Variants in ADGRD1 observed in about 807,000 individuals in gnomAD.
ADGRD1 encodes the protein G-protein coupled receptor 133.
Under a neutral mutation model 113.4 loss-of-function variants are expected in ADGRD1, and 77 were observed. That is an observed-to-expected ratio of 0.68 (90% CI 0.57 to 0.82). The LOEUF is 0.82. Ranked by LOEUF, ADGRD1 falls within the 40% of genes least tolerant of loss-of-function variation. The pLI is 0.00. For missense variants in ADGRD1, 1,036 were observed against 1,139.1 expected, an observed-to-expected ratio of 0.91 and a Z score of 1.30; for synonymous variants, 474 against 475.0, an observed-to-expected ratio of 1.00 and a Z score of 0.03.
In ADGRD1 at chr12:131,076,823, C is replaced by A; in HGVS notation, c.1496C>A (p.Ala499Asp). 6.2e-7 allele frequency: 1 copy of A among 1,614,114 alleles called. No individual in the cohort carries two copies. Among genetic ancestry groups the A allele is most frequent in the Non-Finnish European group, 8.5e-7 (1 of 1,179,966 alleles). ...CAGACACGTAAGCAGCACAGTGAGGCCACCAACAGCAGCAACCGAGTCTTC... is the reference window on the plus strand; with the variant it reads ...CAGACACGTAAGCAGCACAGTGAGGACACCAACAGCAGCAACCGAGTCTTC... ...HRLTRKQHSE[A>D]TNSSNRVFVY... is the part of the protein sequence containing the mutation. Residue 499 changes from alanine to aspartate, a missense_variant, in exon 14 of 25, where the codon GCC (alanine) becomes GAC (aspartate). Physicochemically the swap from Ala to Asp is moderately radical, Grantham distance 126. Transcript: ENST00000261654.
chr12:131,053,440 G>A (rs1248798144), intron 13 of ADGRD1, among the ~76,000 whole-genome samples: 2 of 152,244 alleles, frequency 1.3e-5, no homozygotes, highest in Non-Finnish European at 2.9e-5. Flanking sequence ...TTTAAGTAAA[G>A]GGTTTTCTGT....
chr12:130,959,653 G>A (rs994298034), intron 2 of ADGRD1, among the ~76,000 whole-genome samples: 2 of 152,178 alleles, frequency 1.3e-5, no homozygotes, highest in Admixed American at 6.5e-5. Context: ...CGTCAATAAA[G>A]CTAGCCAACC....
intron 13 of ADGRD1, among the ~76,000 whole-genome samples, chr12:131,021,359 G>A (rs1057123050): frequency 2.0e-5 from 3 of 152,068 alleles, no homozygotes; most frequent in African/African-American, 2.4e-5. Flanking sequence ...TTAGCTTCCC[G>A]TTGTCTCCCA....
At chr12:130,994,166 C>T (rs1002789751) in intron 8 of ADGRD1, 4 of 382,738 alleles carry the variant, frequency 1.0e-5, no homozygotes, top group Admixed American at 7.9e-5. Flanking sequence ...GAAGGACCCG[C>T]GGGGTGTTGG....
At chr12:131,078,165 C>T (rs1286376283) in intron 14 of ADGRD1, among the ~76,000 whole-genome samples, 1 of 152,240 alleles carries the variant, frequency 6.6e-6, no homozygotes, top group Non-Finnish European at 1.5e-5. Context: ...CGTCTCTGCT[C>T]CCTGCACCCA....
intron 24 of ADGRD1, 105 bp downstream of exon 24, chr12:131,138,334 C>T: frequency 2.2e-6 from 2 of 896,030 alleles, no homozygotes; most frequent in Middle Eastern, 2.4e-4. Context: ...CTTCGGGTGC[C>T]CAGCAGTCTT....
intron 4 of ADGRD1, chr12:130,973,474 C>T (rs1339135975): frequency 6.6e-6 from 1 of 152,212 alleles, no homozygotes; most frequent in African/African-American, 2.4e-5. Flanking sequence ...TTCCAAACTT[C>T]CCCTTCATCA....
intron 4 of ADGRD1, among the ~76,000 whole-genome samples, chr12:130,974,019 G>A (rs1381662416): frequency 1.3e-5 from 2 of 152,328 alleles, no homozygotes; most frequent in East Asian, 1.9e-4. Context: ...TGATGCAGAC[G>A]CAGAGGGTAG....
chr12:131,048,344 C>T (rs1883047889), intron 13 of ADGRD1, among the ~76,000 whole-genome samples: 1 of 152,242 alleles, frequency 6.6e-6, no homozygotes, highest in Non-Finnish European at 1.5e-5. Flanking sequence ...CATCCTGCAG[C>T]TGGCCAGGAG....
chr12:130,994,084 C>T (rs954443637), intron 8 of ADGRD1: 12 of 241,746 alleles, frequency 5.0e-5, no homozygotes, highest in Non-Finnish European at 8.9e-6. Context: ...GCAACCAGCT[C>T]AGCCAATCAT....
intron 8 of ADGRD1, among the ~76,000 whole-genome samples, chr12:130,997,524 T>TG (rs1026349627): frequency 8.5e-5 from 12 of 141,106 alleles, no homozygotes; most frequent in African/African-American, 3.2e-4. Context: ...ACCTCCCAGA[T>TG]GGGGTCACAG....
chr12:131,033,064 C>T (rs1001322469), intron 13 of ADGRD1, among the ~76,000 whole-genome samples: 19 of 152,344 alleles, frequency 1.2e-4, no homozygotes, highest in Admixed American at 2.6e-4. Flanking sequence ...AGCTAAATGG[C>T]GCGCGACGAG....
At position 131,050,807 on chromosome 12, in the gene ADGRD1, ACT is replaced by A. The variant is rs1048050882; in HGVS notation, c.1474-25990_1474-25989del. 1.3e-5 allele frequency among the ~76,000 whole-genome samples: 2 copies of A among 151,890 alleles called. No homozygotes were observed. The highest frequency in any genetic ancestry group is 4.8e-5 in the African/African-American group (2 of 41,320). ...TCCCCCTCAGATCATCAGGCACTAGACTCTCATGAGGAGCTTGAAACCTAGAT... is the reference window on the plus strand; with the variant it reads ...TCCCCCTCAGATCATCAGGCACTAGACTCATGAGGAGCTTGAAACCTAGAT... On this transcript the variant is annotated intron_variant, in intron 13 of 24. Transcript: ENST00000261654. This position sits in a 1 kb window ranked among gnomAD's most constrained non-coding sequence, Gnocchi z 4.8.
At chr12:131,054,666 C>T (rs191005017) in intron 13 of ADGRD1, among the ~76,000 whole-genome samples, 10 of 152,322 alleles carry the variant, frequency 6.6e-5, no homozygotes, top group South Asian at 4.1e-4. Context: ...GTCTCTGCTG[C>T]GCTGAGAACT....
chr12:130,979,830 C>CACAG (rs1217523186), intron 4 of ADGRD1, among the ~76,000 whole-genome samples: 1 of 146,876 alleles, frequency 6.8e-6, no homozygotes, highest in African/African-American at 2.7e-5. Flanking sequence ...CACACACACA[C>CACAG]ACACACACAC....
intron 2 of ADGRD1, among the ~76,000 whole-genome samples, chr12:130,964,300 G>A (rs1360669361): frequency 6.6e-6 from 1 of 151,766 alleles, no homozygotes; most frequent in Non-Finnish European, 1.5e-5. Flanking sequence ...AATTGTTCTG[G>A]TATAAAGAGT....
Position 131,067,805 on chromosome 12 carries a change from C to T in ADGRD1, c.1474-8996C>T, listed in dbSNP as rs533369720. 3.0e-4 allele frequency among the ~76,000 whole-genome samples: 8 copies of T among 26,360 alleles called. 2 individuals carry two copies. The highest frequency in any genetic ancestry group is 1.1e-3 in the Admixed American group (4 of 3,562). The allele number at this position is 26,360 out of a possible 152,430, so 17.3% of individuals were successfully genotyped here. ...TTCTGTATGTCTGATCGCTGTGCCC[C>T]TGATCCTTCTTCTGAGCAGGGGCTG... On this transcript the variant is annotated intron_variant, in intron 13 of 24. Coordinates refer to ENST00000261654, the MANE Select transcript of ADGRD1 (RefSeq NM_198827.5).
chr12:131,055,590 A>G (rs1276973783), intron 13 of ADGRD1, among the ~76,000 whole-genome samples: 1 of 152,190 alleles, frequency 6.6e-6, no homozygotes, highest in East Asian at 1.9e-4. Context: ...TTCAAGGGGA[A>G]GGCTTTCTAT....
chr12:130,959,585 T>C (rs1870108257), intron 2 of ADGRD1, among the ~76,000 whole-genome samples: 1 of 152,152 alleles, frequency 6.6e-6, no homozygotes, highest in Non-Finnish European at 1.5e-5. Context: ...AATATCTATA[T>C]ATTTATTGAC....
Sources: gnomAD v4.1 joint callset for allele counts (sites outside exome capture counted in the v4.1 genomes callset) on GRCh38, gnomAD v4.1.1 for gene constraint, Gnocchi (gnomAD v3.1) non-coding constraint, MANE v1.5 for transcripts, NCBI Gene and HGNC (gene_info 2026-07-23, HGNC 2026-07-21) for gene names.